Variants in SOX5 observed in about 807,000 individuals in gnomAD.
SOX5 encodes transcription factor SOX-5.
SOX5 carries 9 observed loss-of-function variants against 92.0 expected under a neutral mutation model. The observed-to-expected ratio is 0.10, with a 90% CI of 0.06 to 0.17. The LOEUF (loss-of-function observed/expected upper bound fraction) is 0.17, where lower values mean the gene tolerates loss of function less well. Among genes scored for constraint, SOX5 ranks in the 10% least tolerant of loss-of-function variants. The pLI is 1.00. For missense variants in SOX5, 642 were observed against 944.5 expected, an observed-to-expected ratio of 0.68 and a Z score of 4.20; for synonymous variants, 344 against 336.3, an observed-to-expected ratio of 1.02 and a Z score of -0.25.
chr12:23,894,113 A>G (rs1354037733), intron 2 of SOX5, among the ~76,000 whole-genome samples: 1 of 152,204 alleles, frequency 6.6e-6, no homozygotes, highest in Admixed American at 6.5e-5. Flanking sequence ...AACAGAATTA[A>G]TAATAATACC....
At chr12:24,230,402 C>G (rs896629726) in intron 3 of SOX5, among the ~76,000 whole-genome samples, 1 of 152,028 alleles carries the variant, frequency 6.6e-6, no homozygotes, top group African/African-American at 2.4e-5. Flanking sequence ...AGAAAAAAAG[C>G]TGGGGGAGGG....
At chr12:24,080,131 A>G (rs1366000302) in intron 4 of SOX5, among the ~76,000 whole-genome samples, 1 of 151,940 alleles carries the variant, frequency 6.6e-6, no homozygotes, top group African/African-American at 2.4e-5. Context: ...AAAATTGTAT[A>G]AAGTTACTGG....
chr12:24,309,089 A>G (rs373883882), intron 2 of SOX5, among the ~76,000 whole-genome samples: 2 of 152,358 alleles, frequency 1.3e-5, no homozygotes, highest in East Asian at 1.9e-4. Flanking sequence ...TAGAAACTGC[A>G]GAGAGCAGTA....
At chr12:23,820,980 T>C (rs1277336168) in intron 3 of SOX5, among the ~76,000 whole-genome samples, 1 of 152,216 alleles carries the variant, frequency 6.6e-6, no homozygotes, top group African/African-American at 2.4e-5. Context: ...GGTAGCTTGA[T>C]GGAAATAGTA....
At chr12:24,391,575 G>A (rs77343261) in intron 1 of SOX5, among the ~76,000 whole-genome samples, 4,254 of 152,058 alleles carry the variant, frequency 0.028, 75 homozygotes, top group East Asian at 0.037. Context: ...ACAGTTCTTC[G>A]GCTATTAATC....
chr12:24,435,772 TTTC>T (rs752275820), intron 1 of SOX5, among the ~76,000 whole-genome samples: 2 of 152,210 alleles, frequency 1.3e-5, no homozygotes, highest in African/African-American at 2.4e-5. Context: ...GTTTTTTTGT[TTTC>T]TTTTTAACAA....
At chr12:23,669,923 C>T (rs2084478944) in intron 6 of SOX5, among the ~76,000 whole-genome samples, 1 of 152,060 alleles carries the variant, frequency 6.6e-6, no homozygotes, top group Non-Finnish European at 1.5e-5. Context: ...CTTCAGAGGC[C>T]ACGCTATGGG....
chr12:24,345,939 A>G (rs1953175535), intron 2 of SOX5, among the ~76,000 whole-genome samples: 1 of 152,152 alleles, frequency 6.6e-6, no homozygotes, highest in East Asian at 1.9e-4. Context: ...CTTCTGTTCT[A>G]TTACTACTAC....
intron 4 of SOX5, among the ~76,000 whole-genome samples, chr12:24,118,018 C>CAAAAAAAAAAAAAAAAAAAAAAAAAAA (rs964710930): frequency 2.4e-5 from 1 of 41,822 alleles, no homozygotes; most frequent in Non-Finnish European, 5.4e-5. Context: ...GACTCTCATT[C>CAAAAAAAAAAAAAAAAAAAAAAAAAAA]AAAAAAAAAA....
At chr12:23,686,009 C>A (rs1566969614) in intron 6 of SOX5, among the ~76,000 whole-genome samples, 1 of 152,122 alleles carries the variant, frequency 6.6e-6, no homozygotes, top group Non-Finnish European at 1.5e-5. Flanking sequence ...ACAACAGGCA[C>A]AGAATTAATT....
At chr12:23,806,342 C>T (rs191774730) in intron 3 of SOX5, among the ~76,000 whole-genome samples, 4 of 152,234 alleles carry the variant, frequency 2.6e-5, no homozygotes, top group East Asian at 3.9e-4. Context: ...TCAAGAAGCA[C>T]GCATCAACAC....
chr12:24,063,043 C>A (rs761824709), intron 4 of SOX5, among the ~76,000 whole-genome samples: 1 of 152,144 alleles, frequency 6.6e-6, no homozygotes, highest in Non-Finnish European at 1.5e-5. Context: ...GTACCATGTG[C>A]CCATGGAAAC....
At chr12:24,545,786 T>C (rs1952567264) in intron 1 of SOX5, among the ~76,000 whole-genome samples, 1 of 152,108 alleles carries the variant, frequency 6.6e-6, no homozygotes, top group Non-Finnish European at 1.5e-5. Flanking sequence ...AGCCCTAGCT[T>C]AGAGTTGTGG....
intron 4 of SOX5, among the ~76,000 whole-genome samples, chr12:24,202,260 T>G (rs1957593734): frequency 6.6e-6 from 1 of 152,208 alleles, no homozygotes. Flanking sequence ...AAGTCATCCT[T>G]TTATATAGCA....
At chr12:24,076,517 A>C (rs1452554985) in intron 4 of SOX5, among the ~76,000 whole-genome samples, 2 of 152,224 alleles carry the variant, frequency 1.3e-5, no homozygotes, top group African/African-American at 4.8e-5. Flanking sequence ...TGCTTGCTTT[A>C]AATGATCCTG....
intron 4 of SOX5, among the ~76,000 whole-genome samples, chr12:24,057,569 T>C (rs556297850): frequency 1.1e-4 from 17 of 152,212 alleles, no homozygotes; most frequent in Non-Finnish European, 2.4e-4. Context: ...TTGACTCAGG[T>C]ATGTTTTTAT....
chr12:24,554,807 C>T (rs866669223), intron 1 of SOX5, among the ~76,000 whole-genome samples: 20 of 152,142 alleles, frequency 1.3e-4, no homozygotes, highest in Non-Finnish European at 2.1e-4. Flanking sequence ...CCACCACAAC[C>T]GCCTCCCCGC....
chr12:23,686,256 A>G (rs989665946), intron 6 of SOX5, among the ~76,000 whole-genome samples: 2 of 152,186 alleles, frequency 1.3e-5, no homozygotes, highest in African/African-American at 4.8e-5. Context: ...ATGAAAAAAA[A>G]TTGTCTATAT....
chr12:23,720,919 A>G (rs1266011427), intron 6 of SOX5, among the ~76,000 whole-genome samples: 2 of 152,186 alleles, frequency 1.3e-5, no homozygotes, highest in Non-Finnish European at 2.9e-5. Flanking sequence ...ATGATTAACC[A>G]GAACTAAGGT....
Sources: gnomAD v4.1 joint callset for allele counts (sites outside exome capture counted in the v4.1 genomes callset) on GRCh38, gnomAD v4.1.1 for gene constraint, MANE v1.5 for transcripts, NCBI Gene and HGNC (gene_info 2026-07-23, HGNC 2026-07-21) for gene names.